Variants in IGSF23 observed in about 807,000 individuals in gnomAD.
IGSF23 encodes immunoglobulin superfamily member 23.
A neutral mutation model predicts 17.8 loss-of-function variants in IGSF23; 14 were observed. The observed-to-expected ratio is 0.79, with a 90% CI of 0.52 to 1.23. IGSF23 has a LOEUF of 1.23. IGSF23 is among the 50% of genes most tolerant of loss of function. IGSF23 has a pLI of 0.00. For synonymous variants in IGSF23, 85 were observed against 92.5 expected (o/e 0.92, Z 0.46); for missense variants, 214 against 241.7 (o/e 0.89, Z 0.76).
intron 1 of IGSF23, among the ~76,000 whole-genome samples, chr19:44,616,230 G>A (rs1972372956): frequency 1.3e-5 from 2 of 152,128 alleles, no homozygotes. Context: ...TAAAAATTAT[G>A]AAAAACCTTC....
chr19:44,630,103 C>T (rs1183160913), intron 3 of IGSF23, among the ~76,000 whole-genome samples: 1 of 152,186 alleles, frequency 6.6e-6, no homozygotes, highest in African/African-American at 2.4e-5. Flanking sequence ...TTTCCACCAT[C>T]AGTAACTGTA....
intron 1 of IGSF23, among the ~76,000 whole-genome samples, chr19:44,615,171 C>T (rs547754388): frequency 1.3e-5 from 2 of 152,144 alleles, no homozygotes; most frequent in African/African-American, 4.8e-5. Flanking sequence ...CGCCTGTAGT[C>T]CCAGCTACTC....
chr19:44,615,711 G>A (rs1237832389), intron 1 of IGSF23, among the ~76,000 whole-genome samples: 2 of 151,780 alleles, frequency 1.3e-5, no homozygotes, highest in African/African-American at 2.4e-5. Flanking sequence ...CCCCAGCTCA[G>A]GCAGGTGTCA....
intron 1 of IGSF23, among the ~76,000 whole-genome samples, chr19:44,623,059 G>A (rs138368799): frequency 2.0e-5 from 3 of 152,028 alleles, no homozygotes; most frequent in African/African-American, 7.3e-5. Context: ...TCACTCAATC[G>A]TAAGTTTCAT....
intron 2 of IGSF23, among the ~76,000 whole-genome samples, chr19:44,624,260 C>A (rs1471662417): frequency 2.7e-5 from 4 of 148,226 alleles, no homozygotes; most frequent in Admixed American, 6.8e-5. Context: ...CCTTCTTCTT[C>A]TCCTTCTCCT....
intron 1 of IGSF23, among the ~76,000 whole-genome samples, chr19:44,617,165 G>A (rs968539831): frequency 2.2e-4 from 10 of 44,484 alleles, no homozygotes; most frequent in African/African-American, 4.0e-4. Context: ...CCCTCCCCCC[G>A]CCCCCGCAAA....
intron 3 of IGSF23, among the ~76,000 whole-genome samples, chr19:44,628,369 C>T (rs1721963981): frequency 6.6e-6 from 1 of 152,146 alleles, no homozygotes; most frequent in African/African-American, 2.4e-5. Flanking sequence ...AGGGAAGAAA[C>T]AGCAGAAAGA....
In IGSF23 at chr19:44,622,268, C is replaced by A. The variant is rs551786648; in HGVS notation, c.126-1439C>A. Among the ~76,000 whole-genome samples, 6 of 152,088 alleles carry A rather than the reference C, an allele frequency of 3.9e-5. No homozygotes were observed. The South Asian group carries it at 6.2e-4, about 16-fold the overall frequency. On this transcript the variant is annotated intron_variant, in intron 1 of 4. Transcript: ENST00000402988. The stretch of plus-strand genomic sequence containing the variant: ...TGTTATATTGCCTCTTGTTTGTACA[C>A]CTAGTGGGCTCTTTCTCCTCCTTCA...
chr19:44,617,364 C>T (rs1972407402), intron 1 of IGSF23, among the ~76,000 whole-genome samples: 1 of 151,902 alleles, frequency 6.6e-6, no homozygotes, highest in African/African-American at 2.4e-5. Context: ...ATACTAAAAG[C>T]TCTTGAATTG....
chr19:44,616,894 G>A (rs1444534507), intron 1 of IGSF23, among the ~76,000 whole-genome samples: 1 of 151,510 alleles, frequency 6.6e-6, no homozygotes, highest in Non-Finnish European at 1.5e-5. Context: ...GAGGGAGAGA[G>A]AGAAAAAGAG....
At chr19:44,615,320 C>T (rs187833605) in intron 1 of IGSF23, among the ~76,000 whole-genome samples, 3 of 150,094 alleles carry the variant, frequency 2.0e-5, no homozygotes, top group Admixed American at 6.6e-5. Flanking sequence ...AGTTCTGAGC[C>T]GGGTGCAGTG....
chr19:44,632,023 G>A (rs1473011358), intron 3 of IGSF23, among the ~76,000 whole-genome samples: 1 of 152,210 alleles, frequency 6.6e-6, no homozygotes, highest in East Asian at 1.9e-4. Context: ...CATCCCTTTA[G>A]GGGACCAATT....
chr19:44,622,915 C>G (rs1972552126), intron 1 of IGSF23, among the ~76,000 whole-genome samples: 1 of 152,148 alleles, frequency 6.6e-6, no homozygotes, highest in Non-Finnish European at 1.5e-5. Flanking sequence ...ATAACCTCCC[C>G]AAAGAGGTCC....
chr19:44,627,300 G>T (rs1177410900), intron 2 of IGSF23, 120 bp from the exon 3 acceptor site: 2 of 1,054,320 alleles, frequency 1.9e-6, no homozygotes, highest in African/African-American at 1.6e-5. Flanking sequence ...CCAGAGACCT[G>T]GAGGATGGAA....
At chr19:44,629,531 C>T (rs1972722108) in intron 3 of IGSF23, among the ~76,000 whole-genome samples, 2 of 152,054 alleles carry the variant, frequency 1.3e-5, no homozygotes, top group South Asian at 4.1e-4. Context: ...CACCACACTC[C>T]AGCCTGCTTG....
intron 4 of IGSF23, 124 bp from the exon 5 acceptor site, chr19:44,636,295 T>C (rs1568492785): frequency 6.6e-6 from 1 of 152,112 alleles, no homozygotes; most frequent in Non-Finnish European, 1.5e-5. Context: ...TACGAAGAAA[T>C]GTGGAAGTAC....
intron 3 of IGSF23, chr19:44,632,189 AT>A: frequency 6.3e-6 from 2 of 317,406 alleles, no homozygotes; most frequent in South Asian, 5.1e-5. Flanking sequence ...GAGATTTGTT[AT>A]GGTAAATACT....
chr19:44,617,207 G>A (rs1321907328), intron 1 of IGSF23, among the ~76,000 whole-genome samples: 12 of 119,256 alleles, frequency 1.0e-4, no homozygotes, highest in African/African-American at 4.1e-4. Flanking sequence ...CCAACACACC[G>A]GCCTACTCTT....
At position 44,613,630 on chromosome 19, in the gene IGSF23, A is replaced by G; in HGVS notation, c.-16A>G. 6.5e-7 allele frequency: 1 copy of G among 1,536,850 alleles called. No individual in the cohort carries two copies. The stretch of plus-strand genomic sequence containing the variant: ...CTTCTCCCTCCATCTCCCGGCGGGG[A>G]TTGTACGGTGAGAGAATGAGAGCAA... On this transcript the variant is annotated 5_prime_UTR_variant, in exon 1 of 5. Transcript: ENST00000402988.
Sources: gnomAD v4.1 joint callset for allele counts (sites outside exome capture counted in the v4.1 genomes callset) on GRCh38, gnomAD v4.1.1 for gene constraint, MANE v1.5 for transcripts, NCBI Gene and HGNC (gene_info 2026-07-23, HGNC 2026-07-21) for gene names.